The following SYNPO2 variants were observed in gnomAD, a reference collection of about 807,000 sequenced individuals.
The protein encoded by SYNPO2 is synaptopodin-2.
In SYNPO2, 56 loss-of-function variants were observed where a neutral mutation model predicts 85.0. The observed-to-expected ratio is 0.66, with a 90% CI of 0.53 to 0.82. The LOEUF (loss-of-function observed/expected upper bound fraction) is 0.82. SYNPO2 is among the 40% of genes least tolerant of loss of function. The pLI is 0.00. For missense variants in SYNPO2, 1,575 were observed against 1,534.2 expected, an observed-to-expected ratio of 1.03 and a Z score of -0.44; for synonymous variants, 602 against 591.1, an observed-to-expected ratio of 1.02 and a Z score of -0.27.
chr4:119,057,611 T>A lies in SYNPO2; in HGVS notation c.3463T>A (p.Ser1155Thr). 6.2e-7 allele frequency: 1 copy of A among 1,614,112 alleles called. No individual in the cohort carries two copies. Among genetic ancestry groups the A allele is most frequent in the Non-Finnish European group, 8.5e-7 (1 of 1,180,026 alleles). Residue 1155 changes from serine (S) to threonine (T), a missense_variant, in exon 5 of 5, where the codon TCC (serine) becomes ACC (threonine). Coordinates refer to ENST00000307142, the MANE Select transcript of SYNPO2 (RefSeq NM_133477.3). ...TTTCCAACCCAGAAACATCCAGGAA[T>A]CCATTGTGGCAAATGTGGTTTCAGC... ...DAFQPRNIQESIVANVVSAAR... is the reference protein window; with the variant it reads ...DAFQPRNIQETIVANVVSAAR...
At chr4:118,860,839 G>C (rs1731596378) in intron 1 of SYNPO2, among the ~76,000 whole-genome samples, 1 of 152,116 alleles carries the variant, frequency 6.6e-6, no homozygotes, top group Non-Finnish European at 1.5e-5. Context: ...ACAGACATGA[G>C]GCACTGTGCC....
intron 3 of SYNPO2, among the ~76,000 whole-genome samples, chr4:119,028,831 C>T (rs1018329054): frequency 4.6e-5 from 7 of 151,950 alleles, no homozygotes; most frequent in Middle Eastern, 3.4e-3. Flanking sequence ...AGGGGACTCA[C>T]AGTCATTATC....
At chr4:118,981,521 C>T (rs1335952744) in intron 1 of SYNPO2, among the ~76,000 whole-genome samples, 6 of 152,110 alleles carry the variant, frequency 3.9e-5, no homozygotes, top group Non-Finnish European at 8.8e-5. Context: ...GAGTCTTGGC[C>T]ACATGGAAGA....
intron 4 of SYNPO2, among the ~76,000 whole-genome samples, chr4:119,054,156 G>T (rs528820000): frequency 6.6e-6 from 1 of 152,240 alleles, no homozygotes; most frequent in Admixed American, 6.5e-5. Flanking sequence ...TGGCCACTCC[G>T]GGCGCCAGCA....
chr4:118,952,096 G>A (rs1358748155), intron 1 of SYNPO2, among the ~76,000 whole-genome samples: 1 of 152,214 alleles, frequency 6.6e-6, no homozygotes, highest in Non-Finnish European at 1.5e-5. Context: ...GAAGGGTTAT[G>A]AGAGAAGTGC....
chr4:118,930,499 G>A (rs958754109), intron 1 of SYNPO2, among the ~76,000 whole-genome samples: 1 of 152,094 alleles, frequency 6.6e-6, no homozygotes, highest in Non-Finnish European at 1.5e-5. Context: ...TGAAGTCATG[G>A]TACAGGGTTT....
chr4:118,945,223 G>T (rs1734456297), intron 1 of SYNPO2, among the ~76,000 whole-genome samples: 1 of 151,988 alleles, frequency 6.6e-6, no homozygotes, highest in South Asian at 2.1e-4. Context: ...CTATCCACTG[G>T]TACTTTTTGC....
At position 118,943,913 on chromosome 4, in the gene SYNPO2, G is replaced by A. The variant is rs560387966; in HGVS notation, c.105+54772G>A. ...ATTGAGGTGTGTGTGTTAGCAAAAC[G>A]TTACTTGACAGTTATGTTGCTTTCA... On this transcript the variant is annotated intron_variant, in intron 1 of 4. Coordinates refer to ENST00000307142, the MANE Select transcript of SYNPO2 (RefSeq NM_133477.3). Among the ~76,000 whole-genome samples the A allele has an allele frequency of 6.8e-4, 104 of 152,272 alleles. 1 individual carries two copies. The highest frequency in any genetic ancestry group is 1.3e-3 in the Non-Finnish European group (87 of 68,036).
chr4:118,931,497 C>T (rs1309266423), intron 1 of SYNPO2, among the ~76,000 whole-genome samples: 1 of 152,102 alleles, frequency 6.6e-6, no homozygotes, highest in African/African-American at 2.4e-5. Flanking sequence ...ATGATGTGCT[C>T]CCAAGGAGCT....
Position 118,883,698 on chromosome 4 carries a change from T to C in SYNPO2, c.12+32758T>C, listed in dbSNP as rs116456781. ...CTTTAGCCATTTTTTCTTTAGAAAA[T>C]AGATTTCTCTTTTTCTTTTTTTTTT... On this transcript the variant is annotated intron_variant, in intron 1 of 4. Transcript: ENST00000610556. Among the ~76,000 whole-genome samples the C allele has an allele frequency of 2.9e-3, 416 of 141,720 alleles. 1 individual carries two copies. Among genetic ancestry groups the C allele is most frequent in the Middle Eastern group, 7.1e-3 (2 of 280 alleles). The allele number at this position is 141,720 out of a possible 152,430, so 93.0% of individuals were successfully genotyped here. A position where few individuals can be genotyped will look rare whatever the true frequency, so the allele number is the denominator to read the frequency against.
At chr4:118,942,057 C>A (rs1369258298) in intron 1 of SYNPO2, among the ~76,000 whole-genome samples, 1 of 152,132 alleles carries the variant, frequency 6.6e-6, no homozygotes, top group Non-Finnish European at 1.5e-5. Flanking sequence ...GGGAGATGGA[C>A]TCACTAATGC....
At chr4:119,032,049 G>C in intron 4 of SYNPO2, 22 bp downstream of exon 4, 2 of 1,612,410 alleles carry the variant, frequency 1.2e-6, no homozygotes, top group Non-Finnish European at 1.7e-6. Context: ...ATCTGTTGTG[G>C]AAGAGTAATC....
chr4:119,058,483 T>TC lies in SYNPO2; in HGVS notation c.*549_*550insC, dbSNP rs1217133330. The TC allele has an allele frequency of 3.2e-5, 4 of 126,304 alleles. No homozygotes were observed. The highest frequency in any genetic ancestry group is 1.7e-5 in the Non-Finnish European group (1 of 57,166). The allele number at this position is 126,304 out of a possible 1,614,324, so 7.8% of individuals were successfully genotyped here. ...CTGCAACTTTTTTTTTTTTTTTTTT[T>TC]TTTTTTTGAGATGGAGTCTTGCTCT... On this transcript the variant is annotated 3_prime_UTR_variant, in exon 5 of 5. Coordinates refer to ENST00000307142, the MANE Select transcript of SYNPO2 (RefSeq NM_133477.3).
intron 1 of SYNPO2, among the ~76,000 whole-genome samples, chr4:118,996,122 A>G (rs1553944865): frequency 4.6e-5 from 7 of 152,222 alleles, no homozygotes. Flanking sequence ...CATCTCTCTC[A>G]TGACTCTCTT....
intron 2 of SYNPO2, among the ~76,000 whole-genome samples, chr4:119,023,945 G>T (rs556356730): frequency 6.6e-6 from 1 of 152,240 alleles, no homozygotes; most frequent in African/African-American, 2.4e-5. Context: ...ATGCACAGAT[G>T]AATTAAAAAT....
At chr4:119,044,113 A>G (rs536592794) in intron 4 of SYNPO2, among the ~76,000 whole-genome samples, 2 of 152,172 alleles carry the variant, frequency 1.3e-5, no homozygotes, top group Non-Finnish European at 2.9e-5. Context: ...GACTACAACT[A>G]TATCTGGAAT....
At chr4:118,978,188 A>G (rs1735863627) in intron 1 of SYNPO2, among the ~76,000 whole-genome samples, 1 of 152,178 alleles carries the variant, frequency 6.6e-6, no homozygotes, top group Non-Finnish European at 1.5e-5. Context: ...CTAAATTTCA[A>G]GCTTCTCTAG....
chr4:118,887,166 A>AGTGTGTGT (rs71595329), upstream of SYNPO2, among the ~76,000 whole-genome samples: 1,682 of 139,102 alleles, frequency 0.012, 35 homozygotes, highest in African/African-American at 0.042. Flanking sequence ...CATCTGAGTG[A>AGTGTGTGT]GTGTGTGTGT....
intron 1 of SYNPO2, among the ~76,000 whole-genome samples, chr4:118,941,054 G>A (rs1191149257): frequency 6.6e-6 from 1 of 152,134 alleles, no homozygotes; most frequent in East Asian, 1.9e-4. Context: ...CTGCTCCAGA[G>A]CAGCACATCC....
Sources: gnomAD v4.1 joint callset for allele counts (sites outside exome capture counted in the v4.1 genomes callset) on GRCh38, gnomAD v4.1.1 for gene constraint, MANE v1.5 for transcripts, NCBI Gene and HGNC (gene_info 2026-07-23, HGNC 2026-07-21) for gene names.